Variants in HSF5 observed in about 807,000 individuals in gnomAD.
The protein encoded by HSF5 is heat shock factor protein 5.
A neutral mutation model predicts 50.8 loss-of-function variants in HSF5; 5 were observed. The observed-to-expected ratio is 0.10, with a 90% CI of 0.05 to 0.21. The LOEUF (loss-of-function observed/expected upper bound fraction) is 0.21. Among genes scored for constraint, HSF5 ranks in the 10% least tolerant of loss-of-function variants. HSF5 has a pLI of 1.00. For missense variants in HSF5, 564 were observed against 762.6 expected (o/e 0.74, Z 3.07); for synonymous variants, 307 against 307.4 (o/e 1.00, Z 0.02).
chr17:58,454,233 CA>C (rs1362825980), intron 5 of HSF5, among the ~76,000 whole-genome samples: 10 of 151,168 alleles, frequency 6.6e-5, no homozygotes, highest in African/African-American at 2.4e-4. Context: ...AAAACAAAAA[CA>C]AAACAAAACA....
chr17:58,431,780 A>AGT (rs1974368182), intron 5 of HSF5, among the ~76,000 whole-genome samples: 1 of 152,234 alleles, frequency 6.6e-6, no homozygotes, highest in Non-Finnish European at 1.5e-5. Context: ...GCATTCAGTA[A>AGT]GTACTTGCTA....
At chr17:58,450,338 CAAAAAA>C (rs758990551) in intron 5 of HSF5, among the ~76,000 whole-genome samples, 2 of 51,938 alleles carry the variant, frequency 3.9e-5, no homozygotes, top group Admixed American at 5.5e-4. Context: ...GACTTTGTCT[CAAAAAA>C]AAAAAAAAAA....
At chr17:58,475,813 G>A (rs113918795) in intron 2 of HSF5, among the ~76,000 whole-genome samples, 1 of 152,236 alleles carries the variant, frequency 6.6e-6, no homozygotes, top group African/African-American at 2.4e-5. Flanking sequence ...CCAGCAGAGA[G>A]AAGGGAGGAA....
At position 58,447,124 on chromosome 17, in the gene HSF5, C is replaced by CA. The variant is rs200847617; in HGVS notation, c.1720+11643dup. 7.1e-3 allele frequency among the ~76,000 whole-genome samples: 1,065 copies of CA among 150,658 alleles called. 18 individuals carry two copies. The highest frequency in any genetic ancestry group is 0.022 in the South Asian group (103 of 4,748). ...TGGGCGACAGAGCAAGACTCCATCT[C>CA]AAAAAAAAAGAGACGAAAGAGTGCA... On this transcript the variant is annotated intron_variant, in intron 5 of 5. Coordinates refer to ENST00000323777, the MANE Select transcript of HSF5 (RefSeq NM_001080439.3).
chr17:58,477,420 C>T (rs1975031258), intron 2 of HSF5, among the ~76,000 whole-genome samples: 1 of 150,050 alleles, frequency 6.7e-6, no homozygotes, highest in African/African-American at 2.5e-5. Context: ...ATGCCAGGCC[C>T]AGATTTATAA....
intron 5 of HSF5, among the ~76,000 whole-genome samples, chr17:58,438,159 G>A (rs1221701188): frequency 6.6e-6 from 1 of 151,960 alleles, no homozygotes. Flanking sequence ...TATAGATGAT[G>A]ATGATTCTGT....
In HSF5 at chr17:58,487,900, C is replaced by G. The variant is rs754602491; in HGVS notation, c.375G>C (p.Val125=). The change falls in exon 1 of 6, where the codon GTG becomes GTC. Residue 125 remains valine (V), a synonymous_variant. Transcript: ENST00000323777. ...HFRRDQPQLL[V]HLKRLTSANK... ...TGGCGCTGGTGAGGCGCTTGAGGTGCACGAGCAGCTGTGGCTGGTCGCGGC... is the reference window on the plus strand; with the variant it reads ...TGGCGCTGGTGAGGCGCTTGAGGTGGACGAGCAGCTGTGGCTGGTCGCGGC... 2.5e-6 allele frequency: 4 copies of G among 1,610,412 alleles called. No individual in the cohort carries two copies. In the South Asian group the frequency reaches 4.4e-5, roughly 18 times the overall value.
At chr17:58,480,583 G>A (rs1023462950) in intron 1 of HSF5, among the ~76,000 whole-genome samples, 2 of 151,920 alleles carry the variant, frequency 1.3e-5, no homozygotes, top group Admixed American at 6.6e-5. Context: ...CTTACCTTTC[G>A]CTTTATTTGC....
chr17:58,483,370 G>C (rs572761018), intron 1 of HSF5, among the ~76,000 whole-genome samples: 1 of 152,182 alleles, frequency 6.6e-6, no homozygotes, highest in African/African-American at 2.4e-5. Flanking sequence ...TTAAAATAAA[G>C]AACCAAGACA....
chr17:58,423,814 A>G (rs1598177435), intron 5 of HSF5, among the ~76,000 whole-genome samples: 1 of 152,180 alleles, frequency 6.6e-6, no homozygotes, highest in East Asian at 1.9e-4. Context: ...GAAGTTTACA[A>G]CTTTGCTTTA....
chr17:58,488,145 G>T lies in HSF5; in HGVS notation c.130C>A (p.Pro44Thr). ...CTGAGCAGCTCGGCCTCGAAGAGCG[G>T]CTGATCGATAAGCAGCCCCTCGCCG... is the stretch of plus-strand genomic sequence containing the variant. ...GRGEGLLIDQ[P>T]LFEAELLSPP... is the part of the protein sequence containing the mutation. The change falls in exon 1 of 6, where the codon CCG (proline) becomes ACG (threonine). Residue 44 changes from proline to threonine, a missense_variant. Pro to Thr is a conservative substitution (Grantham distance 38). Transcript: ENST00000323777. This position sits in a 1 kb window ranked among gnomAD's most constrained non-coding sequence, Gnocchi z 4.1. The T allele has an allele frequency of 6.4e-7, 1 of 1,552,838 alleles. No individual in the cohort carries two copies. Among genetic ancestry groups the T allele is most frequent in the Non-Finnish European group, 8.6e-7 (1 of 1,160,858 alleles).
At chr17:58,437,430 T>C (rs911549811) in intron 5 of HSF5, among the ~76,000 whole-genome samples, 6 of 152,218 alleles carry the variant, frequency 3.9e-5, no homozygotes, top group Admixed American at 2.6e-4. Context: ...TTAGTATTTT[T>C]AGATTTTTTA....
At chr17:58,439,537 T>C (rs1008664653) in intron 5 of HSF5, among the ~76,000 whole-genome samples, 1 of 152,146 alleles carries the variant, frequency 6.6e-6, no homozygotes. Context: ...CAGGCTAAAG[T>C]GCAATAGCGC....
At chr17:58,468,715 TTC>T (rs1438924035) in intron 2 of HSF5, among the ~76,000 whole-genome samples, 1 of 152,220 alleles carries the variant, frequency 6.6e-6, no homozygotes, top group African/African-American at 2.4e-5. Flanking sequence ...AATAAATATT[TTC>T]TCTTTGTATC....
intron 4 of HSF5, among the ~76,000 whole-genome samples, chr17:58,460,860 T>A (rs1374397708): frequency 6.6e-6 from 1 of 151,710 alleles, no homozygotes; most frequent in Non-Finnish European, 1.5e-5. Context: ...AGTTTTAAGA[T>A]CTGAAATATT....
intron 2 of HSF5, among the ~76,000 whole-genome samples, chr17:58,469,412 A>G (rs1230721476): frequency 2.0e-5 from 3 of 152,228 alleles, no homozygotes; most frequent in Non-Finnish European, 4.4e-5. Flanking sequence ...GTATCTCAGG[A>G]AACAGCGAAA....
At chr17:58,468,234 C>T (rs1007692695) in intron 2 of HSF5, among the ~76,000 whole-genome samples, 26 of 151,936 alleles carry the variant, frequency 1.7e-4, no homozygotes, top group African/African-American at 5.1e-4. Context: ...CCCGTCTCTA[C>T]AAAAAATACA....
At chr17:58,482,735 A>G (rs1426899258) in intron 1 of HSF5, among the ~76,000 whole-genome samples, 1 of 145,816 alleles carries the variant, frequency 6.9e-6, no homozygotes, top group African/African-American at 2.5e-5. Context: ...AAAAAAAAAA[A>G]AGGAAAGAAA....
At chr17:58,436,510 C>T in intron 5 of HSF5, among the ~76,000 whole-genome samples, 1 of 151,316 alleles carries the variant, frequency 6.6e-6, no homozygotes, top group Non-Finnish European at 1.5e-5. Context: ...CTATTAACTG[C>T]ACTGACCAAA....
Sources: allele counts gnomAD v4.1 joint callset (sites outside exome capture counted in the v4.1 genomes callset), GRCh38; gene constraint gnomAD v4.1.1; non-coding constraint Gnocchi (gnomAD v3.1); transcripts MANE v1.5; gene names NCBI Gene and HGNC (gene_info 2026-07-23, HGNC 2026-07-21).